The following RANBP3 variants were observed in gnomAD, a reference collection of about 807,000 sequenced individuals.
The protein encoded by RANBP3 is ran-binding protein 3.
RANBP3 carries 14 observed loss-of-function variants against 77.3 expected under a neutral mutation model. The observed-to-expected ratio is 0.18, with a 90% CI of 0.12 to 0.28. The LOEUF is 0.28. Ranked by LOEUF, RANBP3 falls within the 10% of genes least tolerant of loss-of-function variation. The probability of loss-of-function intolerance (pLI) is 1.00; values close to 1 mark genes in which losing one functional copy is unlikely to be tolerated. For synonymous variants in RANBP3, 315 were observed against 312.4 expected (o/e 1.01, Z -0.09); for missense variants, 586 against 752.3 (o/e 0.78, Z 2.59).
rs765095192 is a variant in RANBP3, at chr19:5,929,435, CCA to C, written c.694-1350_694-1349del. On this transcript the variant is annotated intron_variant, in intron 8 of 16. Coordinates refer to ENST00000340578, the MANE Select transcript of RANBP3 (RefSeq NM_007322.3). Reference sequence around the variant, plus strand: ...GGTGCTAATCCCGGGTGGGTGGAGCCCACAGAGTCACCTGAGATGGGGCAGGC... The same window carrying C: ...GGTGCTAATCCCGGGTGGGTGGAGCCCAGAGTCACCTGAGATGGGGCAGGC... Among the ~76,000 whole-genome samples the C allele has an allele frequency of 5.1e-4, 78 of 152,332 alleles. 2 individuals are homozygous for C. In the East Asian group the frequency reaches 6.6e-3, roughly 13 times the overall value.
At position 5,923,838 on chromosome 19, in the gene RANBP3, G is replaced by A. The variant is rs765104593; in HGVS notation, c.1073C>T (p.Ser358Leu). The A allele has an allele frequency of 3.1e-5, 50 of 1,613,886 alleles. No individual in the cohort carries two copies. In the Middle Eastern group the frequency reaches 6.6e-4, roughly 21 times the overall value. The change falls in exon 12 of 17, where the codon TCG becomes TTG. Residue 358 changes from serine (S) to leucine (L), a missense_variant. Physicochemically the swap from Ser to Leu is moderately radical, Grantham distance 145 (BLOSUM62 -2). Around this residue, in one of 5 missense-constraint regions of RANBP3, gnomAD observed 232 missense variants for 271.7 expected, o/e 0.85. Coordinates refer to ENST00000340578, the MANE Select transcript of RANBP3 (RefSeq NM_007322.3). Reference sequence around the variant, plus strand: ...TTTCTCAGGGGTGGCCTCCTGGGACGAGGACTCAGACCCTGACTCGGCAGC... The same window carrying A: ...TTTCTCAGGGGTGGCCTCCTGGGACAAGGACTCAGACCCTGACTCGGCAGC... ...NAAAESGSES[S>L]SQEATPEKES...
chr19:5,923,835 G>A lies in RANBP3; in HGVS notation c.1076C>T (p.Ser359Phe), dbSNP rs966417861. 1.9e-6 allele frequency: 3 copies of A among 1,613,840 alleles called. No individual in the cohort carries two copies. Among genetic ancestry groups the A allele is most frequent in the African/African-American group, 1.3e-5 (1 of 74,892 alleles). Residue 359 changes from serine to phenylalanine, a missense_variant, in exon 12 of 17, where the codon TCC (serine) becomes TTC (phenylalanine). Transcript: ENST00000340578. ...AAAESGSESS[S>F]QEATPEKESL... ...ACCTTTCTCAGGGGTGGCCTCCTGG[G>A]ACGAGGACTCAGACCCTGACTCGGC...
intron 1 of RANBP3, among the ~76,000 whole-genome samples, chr19:5,962,874 C>T (rs1194288061): frequency 6.6e-6 from 1 of 152,158 alleles, no homozygotes; most frequent in Non-Finnish European, 1.5e-5. Context: ...GGTTGCTGTT[C>T]GTAGCCATTC....
chr19:5,950,241 T>C (rs1364787883), intron 3 of RANBP3, among the ~76,000 whole-genome samples: 3 of 152,176 alleles, frequency 2.0e-5, no homozygotes, highest in African/African-American at 7.2e-5. Flanking sequence ...GTGGGTCAAG[T>C]GCCTCCTGGC....
intron 5 of RANBP3, among the ~76,000 whole-genome samples, chr19:5,939,478 G>A (rs1231048073): frequency 6.6e-6 from 1 of 152,242 alleles, no homozygotes; most frequent in East Asian, 1.9e-4. Context: ...GAACCCCCAG[G>A]CCGGGCGGGA....
chr19:5,941,679 G>A lies in RANBP3; in HGVS notation c.348C>T (p.Cys116=), dbSNP rs1371414234. The A allele has an allele frequency of 1.9e-6, 3 of 1,613,678 alleles. No individual in the cohort carries two copies. Among genetic ancestry groups the A allele is most frequent in the Admixed American group, 3.3e-5 (2 of 60,000 alleles). The part of the protein sequence containing the change: ...EDSDREDGNY[C]PPVKRERTSS... ...ATGTTCTTTCTCGCTTGACAGGAGG[G>A]CAGTAATTTCCATCTTCTCTGTCAG... is the stretch of plus-strand genomic sequence containing the variant. The change falls in exon 5 of 17, where the codon TGC becomes TGT. Residue 116 remains cysteine (C), a synonymous_variant. Coordinates refer to ENST00000340578, the MANE Select transcript of RANBP3 (RefSeq NM_007322.3).
At chr19:5,943,592 C>T (rs1375385686) in intron 3 of RANBP3, among the ~76,000 whole-genome samples, 1 of 152,134 alleles carries the variant, frequency 6.6e-6, no homozygotes, top group South Asian at 2.1e-4. Context: ...TCGTTCACGA[C>T]GGTCAGAAAA....
chr19:5,953,933 C>G (rs1462201767), intron 2 of RANBP3, among the ~76,000 whole-genome samples: 1 of 152,106 alleles, frequency 6.6e-6, no homozygotes, highest in Non-Finnish European at 1.5e-5. Flanking sequence ...GCAACCTCAC[C>G]CAAGGCTAAG....
intron 1 of RANBP3, among the ~76,000 whole-genome samples, chr19:5,965,173 G>A (rs2058452238): frequency 6.6e-6 from 1 of 152,078 alleles, no homozygotes; most frequent in Non-Finnish European, 1.5e-5. Context: ...CTCTAAAGCA[G>A]AAATGACCAA....
chr19:5,941,448 G>C (rs2058135518), intron 5 of RANBP3, among the ~76,000 whole-genome samples, 173 bp downstream of exon 5: 1 of 152,170 alleles, frequency 6.6e-6, no homozygotes, highest in African/African-American at 2.4e-5. Context: ...GAGGACCCCT[G>C]ATGCTGCACT....
intron 3 of RANBP3, among the ~76,000 whole-genome samples, chr19:5,942,643 G>A (rs905840093): frequency 1.5e-4 from 22 of 147,214 alleles, no homozygotes; most frequent in African/African-American, 5.3e-4. Flanking sequence ...GGAGCTTGCA[G>A]TGAGCCGAGA....
chr19:5,974,432 C>T (rs2058565264), intron 1 of RANBP3: 1 of 152,138 alleles, frequency 6.6e-6, no homozygotes, highest in Non-Finnish European at 1.5e-5. Context: ...CAGCATAACC[C>T]TAGAGACAGG....
intron 14 of RANBP3, 138 bp from the exon 15 acceptor site, chr19:5,918,776 AG>A: frequency 9.2e-7 from 1 of 1,090,158 alleles, no homozygotes; most frequent in Non-Finnish European, 1.3e-6. Context: ...ACCCACCCAC[AG>A]AGCAAGACTT....
rs572073452 is a variant in RANBP3, at chr19:5,963,546, G to C, written c.23-5573C>G. 5.9e-5 allele frequency among the ~76,000 whole-genome samples: 9 copies of C among 152,320 alleles called. No homozygotes were observed. The South Asian group carries it at 1.9e-3, about 32-fold the overall frequency. ...AGGCTGGGTGACAGAGTGAGACCTT[G>C]TCTCAAAAACAGAGAGAAAGGAAAG... On this transcript the variant is annotated intron_variant, in intron 1 of 16. Transcript: ENST00000340578.
At position 5,932,460 on chromosome 19, in the gene RANBP3, G is replaced by A; in HGVS notation, c.557C>T (p.Ser186Phe). 1 of 1,613,810 alleles carries A rather than the reference G, an allele frequency of 6.2e-7. No individual in the cohort carries two copies. Among genetic ancestry groups the A allele is most frequent in the East Asian group, 2.2e-5 (1 of 44,886 alleles). ...GGGCTGCTGTTTCTTACCAGTCTGG[G>A]ACAGCGCCTTTGGCTGCGGAGCTTG... is the stretch of plus-strand genomic sequence containing the variant. ...VLQAPQPKAL[S>F]QTVPSSGTNG... Residue 186 changes from serine (S) to phenylalanine (F), a missense_variant, in exon 7 of 17, where the codon TCC becomes TTC. Coordinates refer to ENST00000340578, the MANE Select transcript of RANBP3 (RefSeq NM_007322.3).
chr19:5,969,356 G>A (rs2058504606), intron 1 of RANBP3, among the ~76,000 whole-genome samples: 1 of 152,196 alleles, frequency 6.6e-6, no homozygotes, highest in Admixed American at 6.5e-5. Context: ...CTCACGCTCT[G>A]CTCTCACAGA....
chr19:5,969,650 G>A (rs905233926), intron 1 of RANBP3, among the ~76,000 whole-genome samples: 1 of 152,230 alleles, frequency 6.6e-6, no homozygotes, highest in Non-Finnish European at 1.5e-5. Flanking sequence ...GGACAAGCAT[G>A]AACTCCTAGA....
At chr19:5,947,679 G>A (rs888682012) in intron 3 of RANBP3, among the ~76,000 whole-genome samples, 21 of 152,244 alleles carry the variant, frequency 1.4e-4, no homozygotes, top group Non-Finnish European at 2.4e-4. Flanking sequence ...GCCCTCCCGC[G>A]GCTTGGGCTG....
At chr19:5,966,534 C>G (rs1472045069) in intron 1 of RANBP3, among the ~76,000 whole-genome samples, 8 of 152,278 alleles carry the variant, frequency 5.3e-5, no homozygotes, top group Non-Finnish European at 1.0e-4. Flanking sequence ...CCTCTCTCCT[C>G]TTCCGTATAA....
Sources: allele counts gnomAD v4.1 joint callset (sites outside exome capture counted in the v4.1 genomes callset), GRCh38; gene constraint gnomAD v4.1.1; regional missense constraint gnomAD v4.1.1; transcripts MANE v1.5; gene names NCBI Gene and HGNC (gene_info 2026-07-23, HGNC 2026-07-21).